FHAD1: variants seen among roughly 807,000 people sequenced by gnomAD.
FHAD1 encodes forkhead-associated domain-containing protein 1.
Under a neutral mutation model 191.3 loss-of-function variants are expected in FHAD1, and 146 were observed. That is an observed-to-expected ratio of 0.76 (90% CI 0.67 to 0.88). FHAD1 has a LOEUF of 0.88. Among genes scored for constraint, FHAD1 ranks in the 40% least tolerant of loss-of-function variants. FHAD1 has a pLI of 0.00. For synonymous variants in FHAD1, 616 were observed against 672.3 expected (o/e 0.92, Z 1.29); for missense variants, 1,635 against 1,785.8 (o/e 0.92, Z 1.52).
chr1:15,372,702 G>A (rs115039630), intron 26 of FHAD1, among the ~76,000 whole-genome samples: 1,855 of 152,274 alleles, frequency 0.012, 36 homozygotes, highest in African/African-American at 0.042. Flanking sequence ...ATATGTATAT[G>A]TATATGCATG....
chr1:15,318,290 A>C lies in FHAD1; in HGVS notation c.1365+362A>C, dbSNP rs115475546. Reference sequence around the variant, plus strand: ...ATCATGGGAAAAAAAATTGTATTGCATACTCCAGACCTGCGCTATCCATAA... The same window carrying C: ...ATCATGGGAAAAAAAATTGTATTGCCTACTCCAGACCTGCGCTATCCATAA... On this transcript the variant is annotated intron_variant, in intron 10 of 33. Transcript: ENST00000688493. The surrounding 1 kb of genome is among the most constrained non-coding windows in gnomAD (Gnocchi z 4.1). Among the ~76,000 whole-genome samples, 1,140 of 152,326 alleles carry C rather than the reference A, an allele frequency of 7.5e-3. 17 individuals carry two copies. Among genetic ancestry groups the C allele is most frequent in the African/African-American group, 0.026 (1,092 of 41,572 alleles).
chr1:15,306,470 G>A (rs1241346353), intron 6 of FHAD1, among the ~76,000 whole-genome samples: 1 of 152,204 alleles, frequency 6.6e-6, no homozygotes, highest in Non-Finnish European at 1.5e-5. Flanking sequence ...CAAGGCCATG[G>A]GGAAAATGTC....
chr1:15,365,697 T>A, intron 23 of FHAD1, 130 bp from the exon 24 acceptor site: 5 of 576,096 alleles, frequency 8.7e-6, no homozygotes, highest in Admixed American at 3.0e-5. Flanking sequence ...GTCCTCATCC[T>A]TTGCTGGGAC....
At chr1:15,394,563 G>A (rs967130870) in intron 33 of FHAD1, among the ~76,000 whole-genome samples, 1 of 152,122 alleles carries the variant, frequency 6.6e-6, no homozygotes, top group Non-Finnish European at 1.5e-5. Context: ...CACGTTTGAG[G>A]CTCCTGTCAG....
chr1:15,331,290 G>C (rs948297433), intron 14 of FHAD1, among the ~76,000 whole-genome samples: 46 of 152,016 alleles, frequency 3.0e-4, no homozygotes, highest in African/African-American at 1.1e-3. Context: ...AGCACCCAGA[G>C]AGCATGTGCC....
chr1:15,347,713 T>G (rs887854875), intron 18 of FHAD1, among the ~76,000 whole-genome samples: 2 of 152,304 alleles, frequency 1.3e-5, no homozygotes, highest in African/African-American at 4.8e-5. Context: ...CCTCCCAAAG[T>G]GCTGGGATTA....
chr1:15,331,761 A>C (rs1322207483), intron 14 of FHAD1, among the ~76,000 whole-genome samples: 2 of 151,954 alleles, frequency 1.3e-5, no homozygotes, highest in African/African-American at 4.8e-5. Context: ...GCAGGCAGGA[A>C]GGAAGGAAGA....
chr1:15,374,643 C>G lies in FHAD1; in HGVS notation c.3577+12C>G. ...GGCGCGCTCACCAGGTAAGTCTCCT[C>G]CTTCCTAGTCAGAGCAGTGGACCCC... On this transcript the variant is annotated intron_variant, in intron 27 of 33. Coordinates refer to ENST00000688493, the MANE Select transcript of FHAD1 (RefSeq NM_001391957.1). 6.4e-7 allele frequency: 1 copy of G among 1,550,788 alleles called. No homozygotes were observed. The highest frequency in any genetic ancestry group is 8.7e-7 in the Non-Finnish European group (1 of 1,146,896).
At position 15,313,041 on chromosome 1, in the gene FHAD1, G is replaced by C. The variant is rs1022996774; in HGVS notation, c.1040-16G>C. ...CTCACTGCCTCTTTGACCTCTGCGA[G>C]TCTTCTTTTTTACAGGGATGGTGTC... On this transcript the variant is annotated splice_polypyrimidine_tract_variant and intron_variant, in intron 7 of 33. Coordinates refer to ENST00000688493, the MANE Select transcript of FHAD1 (RefSeq NM_001391957.1). 7 of 1,551,482 alleles carry C rather than the reference G, an allele frequency of 4.5e-6. No individual in the cohort carries two copies. The highest frequency in any genetic ancestry group is 3.9e-5 in the Admixed American group (2 of 50,986).
chr1:15,242,673 A>T (rs1012022652), upstream of FHAD1, among the ~76,000 whole-genome samples: 4 of 152,160 alleles, frequency 2.6e-5, no homozygotes, highest in Non-Finnish European at 5.9e-5. Flanking sequence ...GTCTCAGAGC[A>T]GCCGGCCAGA....
At position 15,388,132 on chromosome 1, in the gene FHAD1, G is replaced by C. The variant is rs959813420; in HGVS notation, c.4269+1G>C. On this transcript the variant is annotated splice_donor_variant, in intron 32 of 33. Transcript: ENST00000688493. LOFTEE classifies it high-confidence loss of function. ...TGCCTTCAAAGAGAAAGACAGGCAG[G>C]TATGGGAGGTGTTCTGATGTTGCAG... The C allele has an allele frequency of 7.8e-7, 1 of 1,288,406 alleles. No homozygotes were observed. The highest frequency in any genetic ancestry group is 1.0e-6 in the Non-Finnish European group (1 of 987,792). 79.8% of individuals were successfully genotyped at this position (1,288,406 alleles called of 1,614,324 possible).
intron 31 of FHAD1, among the ~76,000 whole-genome samples, chr1:15,387,514 C>T (rs116247250): frequency 0.03 from 4,554 of 151,926 alleles, 210 homozygotes; most frequent in African/African-American, 0.098. Context: ...TTTGGGAGGC[C>T]GAGGCAGAAG....
Position 15,381,190 on chromosome 1 carries a change from C to T in FHAD1, c.3802-41C>T. The T allele has an allele frequency of 7.0e-7, 1 of 1,422,064 alleles. No individual in the cohort carries two copies. The highest frequency in any genetic ancestry group is 9.7e-7 in the Non-Finnish European group (1 of 1,033,796). 88.1% of individuals were successfully genotyped at this position (1,422,064 alleles called of 1,614,324 possible). ...GCCTCCTTAAAGCGGCCACCAGCGG[C>T]CGCGGGTAATGCCTCTTATGCGCGA... On this transcript the variant is annotated intron_variant, in intron 29 of 33. Transcript: ENST00000688493. The surrounding 1 kb of genome is among the most constrained non-coding windows in gnomAD (Gnocchi z 4.6).
intron 5 of FHAD1, among the ~76,000 whole-genome samples, chr1:15,300,677 G>A (rs554390404): frequency 4.6e-5 from 7 of 152,204 alleles, no homozygotes; most frequent in South Asian, 2.1e-4. Context: ...AGTTTCTGTC[G>A]CTCTAAGGTA....
At chr1:15,331,353 A>C (rs1290352143) in intron 14 of FHAD1, among the ~76,000 whole-genome samples, 1 of 151,128 alleles carries the variant, frequency 6.6e-6, no homozygotes, top group Non-Finnish European at 1.5e-5. Flanking sequence ...GATGGAAGGA[A>C]GTGCAGATGG....
Position 15,325,279 on chromosome 1 carries a change from A to G in FHAD1, c.1473+720A>G, listed in dbSNP as rs954210163. The G allele has an allele frequency of 6.6e-6, 1 of 151,954 alleles. No homozygotes were observed. The highest frequency in any genetic ancestry group is 1.5e-5 in the Non-Finnish European group (1 of 68,068). The allele number at this position is 151,954 out of a possible 1,614,324, so 9.4% of individuals were successfully genotyped here. ...CTCCACAGGGGTCCCTCTCCTGGAA[A>G]CCATGACTCCAGGGGATCCACAGAA... On this transcript the variant is annotated intron_variant, in intron 11 of 33. Transcript: ENST00000688493. The surrounding 1 kb of genome is among the most constrained non-coding windows in gnomAD (Gnocchi z 4.6).
intron 31 of FHAD1, among the ~76,000 whole-genome samples, chr1:15,385,007 G>C (rs1701779881): frequency 1.3e-5 from 2 of 151,552 alleles, no homozygotes; most frequent in Admixed American, 1.3e-4. Flanking sequence ...TTTCCAGGAT[G>C]CACCCCGCCT....
chr1:15,374,988 A>G (rs1184684384), intron 27 of FHAD1, among the ~76,000 whole-genome samples: 1 of 151,056 alleles, frequency 6.6e-6, no homozygotes, highest in Non-Finnish European at 1.5e-5. Flanking sequence ...CCTCCCTAGT[A>G]TCTAGGACTA....
rs1399659341 is a variant in FHAD1 at position 15,329,476 on chromosome 1, C to T, written c.1841C>T (p.Ser614Phe). 6.4e-7 allele frequency: 1 copy of T among 1,551,138 alleles called. No homozygotes were observed. Among genetic ancestry groups the T allele is most frequent in the East Asian group, 2.4e-5 (1 of 40,926 alleles). The change falls in exon 14 of 34, where the codon TCC becomes TTC. Residue 614 changes from serine to phenylalanine, a missense_variant. Physicochemically the swap from Ser to Phe is radical, Grantham distance 155. Coordinates refer to ENST00000688493, the MANE Select transcript of FHAD1 (RefSeq NM_001391957.1). This position sits in a 1 kb window ranked among gnomAD's most constrained non-coding sequence, Gnocchi z 5.0. Reference sequence around the variant, plus strand: ...CTGGACGTCCTGAGGCACGCGCTGTCCTGGCTGGAGGAGGTGGAGCAGCTC... The same window carrying T: ...CTGGACGTCCTGAGGCACGCGCTGTTCTGGCTGGAGGAGGTGGAGCAGCTC... Reference protein sequence around the residue: ...VVLDVLRHALSWLEEVEQLLR... With the variant: ...VVLDVLRHALFWLEEVEQLLR...
Sources: gnomAD v4.1 joint callset for allele counts (sites outside exome capture counted in the v4.1 genomes callset) on GRCh38, gnomAD v4.1.1 for gene constraint, Gnocchi (gnomAD v3.1) non-coding constraint, MANE v1.5 for transcripts, NCBI Gene and HGNC (gene_info 2026-07-23, HGNC 2026-07-21) for gene names.